KCNIP4: variants seen among roughly 807,000 people sequenced by gnomAD.
KCNIP4 encodes the protein potassium voltage-gated channel interacting protein 4.
In KCNIP4, 12 loss-of-function variants were observed where a neutral mutation model predicts 34.0. That is an observed-to-expected ratio of 0.35 (90% CI 0.23 to 0.57). The LOEUF (loss-of-function observed/expected upper bound fraction) is 0.57. Ranked by LOEUF, KCNIP4 falls within the 20% of genes least tolerant of loss-of-function variation. The pLI, the probability that KCNIP4 is intolerant of heterozygous loss-of-function variation, is 0.83. For missense variants in KCNIP4, 238 were observed against 311.7 expected (o/e 0.76, Z 1.78); for synonymous variants, 124 against 102.2 (o/e 1.21, Z -1.29).
Position 21,610,694 on chromosome 4 carries a change from T to C in KCNIP4, c.61+337877A>G, listed in dbSNP as rs532432498. Among the ~76,000 whole-genome samples, 22 of 152,296 alleles carry C rather than the reference T, an allele frequency of 1.4e-4. No homozygotes were observed. In the East Asian group the frequency reaches 4.0e-3, roughly 28 times the overall value. On this transcript the variant is annotated intron_variant, in intron 1 of 8. Transcript: ENST00000382152. ...TGAGTTTATTCATACATTTTCATAC[T>C]GCTACAAAGAAAAACCCGAGACTGG...
At chr4:21,947,644 C>T (rs1398170880) in intron 1 of KCNIP4, among the ~76,000 whole-genome samples, 1 of 152,134 alleles carries the variant, frequency 6.6e-6, no homozygotes, top group Non-Finnish European at 1.5e-5. Flanking sequence ...GTTTACAGCC[C>T]TCGAGTCCAA....
chr4:21,243,734 T>C (rs996858675), intron 1 of KCNIP4, among the ~76,000 whole-genome samples: 1 of 152,200 alleles, frequency 6.6e-6, no homozygotes. Flanking sequence ...CCATAGCTAG[T>C]GATATGAAGC....
chr4:21,438,406 A>T, intron 1 of KCNIP4, among the ~76,000 whole-genome samples: 1 of 152,230 alleles, frequency 6.6e-6, no homozygotes, highest in East Asian at 1.9e-4. Flanking sequence ...GAATTTTGTC[A>T]TTTTAATAAA....
At chr4:21,588,906 A>G (rs770388316) in intron 1 of KCNIP4, among the ~76,000 whole-genome samples, 2 of 151,582 alleles carry the variant, frequency 1.3e-5, no homozygotes, top group African/African-American at 4.8e-5. Context: ...ATTTAAATTC[A>G]GAGACACAGC....
intron 1 of KCNIP4, among the ~76,000 whole-genome samples, chr4:21,112,868 T>C (rs913469366): frequency 1.3e-5 from 2 of 152,234 alleles, no homozygotes; most frequent in South Asian, 2.1e-4. Context: ...CTTTTTTTTT[T>C]CTCCAATAGC....
chr4:20,851,311 G>T (rs1197333960), intron 2 of KCNIP4, among the ~76,000 whole-genome samples: 2 of 152,150 alleles, frequency 1.3e-5, no homozygotes, highest in Non-Finnish European at 2.9e-5. Flanking sequence ...GCATTAGTTT[G>T]CTGTAGAGAA....
intron 1 of KCNIP4, among the ~76,000 whole-genome samples, chr4:21,873,540 C>T (rs3892322): frequency 0.014 from 2,117 of 152,284 alleles, 44 homozygotes; most frequent in African/African-American, 0.048. Context: ...ACAAAATAGT[C>T]ACTGAGAAAA....
chr4:21,102,975 T>C (rs1410749180), intron 1 of KCNIP4, among the ~76,000 whole-genome samples: 1 of 152,050 alleles, frequency 6.6e-6, no homozygotes, highest in Non-Finnish European at 1.5e-5. Flanking sequence ...AAAAAGAAAA[T>C]AGTTCATTTC....
At chr4:20,877,957 GT>G (rs1724242729) in intron 2 of KCNIP4, among the ~76,000 whole-genome samples, 1 of 134,242 alleles carries the variant, frequency 7.4e-6, no homozygotes, top group African/African-American at 2.9e-5. Flanking sequence ...CAGAGCTAAT[GT>G]TTTCTCTCTC....
At chr4:20,771,128 G>C (rs1755839626) in intron 3 of KCNIP4, among the ~76,000 whole-genome samples, 1 of 152,080 alleles carries the variant, frequency 6.6e-6, no homozygotes, top group African/African-American at 2.4e-5. Flanking sequence ...TGGTATCCAT[G>C]GGGGAGGGTT....
intron 1 of KCNIP4, among the ~76,000 whole-genome samples, chr4:21,247,808 TATATATATATATACAC>T (rs1760374910): frequency 2.0e-5 from 2 of 99,126 alleles, no homozygotes; most frequent in African/African-American, 5.2e-5. Context: ...TGGATATATA[TATATATATATATACAC>T]ACACACACAG....
chr4:20,808,751 T>C (rs1242395718), intron 3 of KCNIP4, among the ~76,000 whole-genome samples: 1 of 152,170 alleles, frequency 6.6e-6, no homozygotes, highest in Non-Finnish European at 1.5e-5. Flanking sequence ...AAAGGTCAAC[T>C]ATACTCTGGG....
chr4:21,158,341 C>T lies in KCNIP4; in HGVS notation c.62-275632G>A, dbSNP rs534936614. ...CCCCAGTATCAAAGCCAGGGAAAGG[C>T]GTTACAAATAAAAAAAAATACAGAG... is the stretch of plus-strand genomic sequence containing the variant. On this transcript the variant is annotated intron_variant, in intron 1 of 8. Coordinates refer to ENST00000382152, the MANE Select transcript of KCNIP4 (RefSeq NM_025221.6). Among the ~76,000 whole-genome samples the T allele has an allele frequency of 1.1e-4, 17 of 151,580 alleles. No homozygotes were observed. In the South Asian group the frequency reaches 2.7e-3, roughly 24 times the overall value.
At chr4:21,721,518 A>G (rs577818392) in intron 1 of KCNIP4, among the ~76,000 whole-genome samples, 1 of 152,312 alleles carries the variant, frequency 6.6e-6, no homozygotes, top group Admixed American at 6.5e-5. Flanking sequence ...TATAATCAAC[A>G]TAGTTTCTAA....
chr4:20,871,888 A>T (rs908235276), intron 2 of KCNIP4, among the ~76,000 whole-genome samples: 1 of 151,188 alleles, frequency 6.6e-6, no homozygotes, highest in Non-Finnish European at 1.5e-5. Flanking sequence ...CTCCCACAAC[A>T]TTATTAAGTG....
At chr4:20,823,042 C>G (rs1472566516) in intron 3 of KCNIP4, among the ~76,000 whole-genome samples, 1 of 152,172 alleles carries the variant, frequency 6.6e-6, no homozygotes, top group Non-Finnish European at 1.5e-5. Context: ...TCTGCCAGTG[C>G]TTTGATCTTC....
At chr4:21,406,876 T>TGGC in intron 1 of KCNIP4, among the ~76,000 whole-genome samples, 1 of 152,214 alleles carries the variant, frequency 6.6e-6, no homozygotes, top group East Asian at 1.9e-4. Flanking sequence ...ACCAGGGGCT[T>TGGC]GGCAGTTTTG....
chr4:21,600,561 T>C (rs1464121545), intron 1 of KCNIP4, among the ~76,000 whole-genome samples: 1 of 151,858 alleles, frequency 6.6e-6, no homozygotes, highest in African/African-American at 2.4e-5. Flanking sequence ...ATCCTACTGA[T>C]CAGTTGAATA....
intron 1 of KCNIP4, among the ~76,000 whole-genome samples, chr4:21,478,991 C>A (rs575879834): frequency 3.0e-4 from 45 of 152,308 alleles, no homozygotes; most frequent in African/African-American, 1.0e-3. Flanking sequence ...ATTACTTCAT[C>A]ATTTCCACAA....
Sources: allele counts gnomAD v4.1 joint callset (sites outside exome capture counted in the v4.1 genomes callset), GRCh38; gene constraint gnomAD v4.1.1; transcripts MANE v1.5; gene names NCBI Gene and HGNC (gene_info 2026-07-23, HGNC 2026-07-21).